The following PLCB4 variants were observed in gnomAD, a reference collection of about 807,000 sequenced individuals.
The protein encoded by PLCB4 is phospholipase C beta 4, also known as 1-phosphatidylinositol 4,5-bisphosphate phosphodiesterase beta-4.
Under a neutral mutation model 178.8 loss-of-function variants are expected in PLCB4, and 77 were observed. The observed-to-expected ratio is 0.43, with a 90% CI of 0.36 to 0.52. PLCB4 has a LOEUF of 0.52. PLCB4 is among the 20% of genes least tolerant of loss of function. The pLI, the probability that PLCB4 is intolerant of heterozygous loss-of-function variation, is 0.00. For synonymous variants in PLCB4, 496 were observed against 490.8 expected, an observed-to-expected ratio of 1.01 and a Z score of -0.14; for missense variants, 1,024 against 1,453.4, an observed-to-expected ratio of 0.70 and a Z score of 4.80.
At chr20:9,150,038 G>T (rs2092665382) in intron 2 of PLCB4, among the ~76,000 whole-genome samples, 2 of 152,176 alleles carry the variant, frequency 1.3e-5, no homozygotes, top group Admixed American at 6.5e-5. Context: ...TTCCAGAGAG[G>T]ACTGACAGTT....
At chr20:9,088,263 T>C (rs998002178) in intron 1 of PLCB4, among the ~76,000 whole-genome samples, 3 of 151,838 alleles carry the variant, frequency 2.0e-5, no homozygotes, top group African/African-American at 7.3e-5. Flanking sequence ...AAGAGTTTGC[T>C]GCAGTGCAGT....
At chr20:9,338,165 G>C (rs2032723704) in intron 6 of PLCB4, 98 bp downstream of exon 6, 1 of 782,530 alleles carries the variant, frequency 1.3e-6, no homozygotes, top group African/African-American at 1.7e-5. Flanking sequence ...TTGTATCCAG[G>C]CTACTTAAAA....
chr20:9,090,578 C>G lies in PLCB4; in HGVS notation c.-134-5709C>G, dbSNP rs1009588326. The stretch of plus-strand genomic sequence containing the variant: ...GGTAGAAGTGAGGACTTGCAGAATA[C>G]TCTGTGTTACTAAAAAATTGCTGGA... On this transcript the variant is annotated intron_variant, in intron 1 of 39. Transcript: ENST00000378473. Among the ~76,000 whole-genome samples, 3 of 147,776 alleles carry G rather than the reference C, an allele frequency of 2.0e-5. No individual in the cohort carries two copies. The South Asian group carries it at 6.7e-4, about 33-fold the overall frequency.
At chr20:9,403,971 C>T (rs1214521857) in intron 20 of PLCB4, among the ~76,000 whole-genome samples, 1 of 152,176 alleles carries the variant, frequency 6.6e-6, no homozygotes, top group African/African-American at 2.4e-5. Context: ...GACACTGGAT[C>T]ACACAGATAT....
At chr20:9,266,774 T>G (rs2094353600) in intron 3 of PLCB4, among the ~76,000 whole-genome samples, 1 of 152,196 alleles carries the variant, frequency 6.6e-6, no homozygotes, top group Admixed American at 6.5e-5. Flanking sequence ...GTGGGTTTGA[T>G]TTTATCTTGA....
chr20:9,408,059 G>GT lies in PLCB4; in HGVS notation c.1789+2dup. On this transcript the variant is annotated splice_donor_variant, in intron 22 of 39. Transcript: ENST00000378473. LOFTEE classifies it high-confidence loss of function. ...TTTCAAGGTTTCCATGTGGCAGAAG[G>GT]TAACACCAAAGGTTAAATGCAGTCG... 1 of 1,611,540 alleles carries GT rather than the reference G, an allele frequency of 6.2e-7. No homozygotes were observed. Among genetic ancestry groups the GT allele is most frequent in the Non-Finnish European group, 8.5e-7 (1 of 1,178,972 alleles).
intron 4 of PLCB4, among the ~76,000 whole-genome samples, chr20:9,334,558 C>T (rs2032175797): frequency 6.6e-6 from 1 of 152,070 alleles, no homozygotes; most frequent in South Asian, 2.1e-4. Context: ...ATTTTCACCA[C>T]CAAGTTTGGT....
intron 7 of PLCB4, among the ~76,000 whole-genome samples, chr20:9,343,734 A>C (rs68175609): frequency 0.07 from 10,690 of 152,094 alleles, 418 homozygotes; most frequent in African/African-American, 0.094. Flanking sequence ...AAAGCTTTCA[A>C]CTCTTCTCAC....
chr20:9,341,686 T>C (rs1188061737), intron 7 of PLCB4, among the ~76,000 whole-genome samples: 1 of 151,476 alleles, frequency 6.6e-6, no homozygotes, highest in Non-Finnish European at 1.5e-5. Flanking sequence ...AAAATCCATG[T>C]ATAAGTGGGC....
intron 3 of PLCB4, among the ~76,000 whole-genome samples, chr20:9,284,135 C>A (rs1022937096): frequency 6.6e-6 from 1 of 151,894 alleles, no homozygotes; most frequent in Non-Finnish European, 1.5e-5. Flanking sequence ...ATGTGTGTTA[C>A]GTAGAAAAAT....
At chr20:9,152,079 T>C (rs933350510) in intron 2 of PLCB4, among the ~76,000 whole-genome samples, 18 of 152,126 alleles carry the variant, frequency 1.2e-4, no homozygotes, top group Admixed American at 1.1e-3. Flanking sequence ...TGGAAGAAAT[T>C]TCCAAGCAGC....
At chr20:9,449,918 A>G (rs1352529140) in intron 32 of PLCB4, among the ~76,000 whole-genome samples, 3 of 152,186 alleles carry the variant, frequency 2.0e-5, no homozygotes, top group South Asian at 4.1e-4. Flanking sequence ...GCCTATTGGT[A>G]ATCTCAGAGT....
intron 25 of PLCB4, 132 bp downstream of exon 25, chr20:9,411,220 G>A (rs2039834202): frequency 1.6e-6 from 1 of 628,514 alleles, no homozygotes; most frequent in African/African-American, 1.8e-5. Context: ...AGAAAGAAAT[G>A]AAATACCTAG....
chr20:9,426,160 A>T (rs527408614), intron 28 of PLCB4, among the ~76,000 whole-genome samples: 22 of 152,334 alleles, frequency 1.4e-4, no homozygotes, highest in Admixed American at 5.9e-4. Flanking sequence ...ACTCATCAAT[A>T]TACATCATTA....
chr20:9,259,868 T>C (rs1426668979), intron 3 of PLCB4, among the ~76,000 whole-genome samples: 1 of 152,140 alleles, frequency 6.6e-6, no homozygotes, highest in Admixed American at 6.5e-5. Context: ...GATAATATTT[T>C]GGATGTATTT....
intron 4 of PLCB4, among the ~76,000 whole-genome samples, chr20:9,308,745 ATATT>A: frequency 2.0e-5 from 3 of 152,170 alleles, no homozygotes; most frequent in Non-Finnish European, 4.4e-5. Flanking sequence ...TGTTGACTTG[ATATT>A]TCTGCAGGGT....
intron 2 of PLCB4, among the ~76,000 whole-genome samples, chr20:9,142,027 A>C (rs889963838): frequency 5.9e-5 from 9 of 152,160 alleles, no homozygotes; most frequent in Admixed American, 5.9e-4. Context: ...ACTGAGTGAG[A>C]TCCTTGGAGG....
At chr20:9,142,546 G>A (rs770768718) in intron 2 of PLCB4, among the ~76,000 whole-genome samples, 7 of 152,034 alleles carry the variant, frequency 4.6e-5, no homozygotes, top group Non-Finnish European at 8.8e-5. Context: ...ATTTTAAGCA[G>A]GGAAGTGAAA....
At chr20:9,085,805 C>A (rs182944243) in intron 1 of PLCB4, among the ~76,000 whole-genome samples, 15 of 152,226 alleles carry the variant, frequency 9.9e-5, no homozygotes, top group Admixed American at 4.6e-4. Flanking sequence ...TAAAAATAAT[C>A]CAGAAAATTG....
Sources: allele counts gnomAD v4.1 joint callset (sites outside exome capture counted in the v4.1 genomes callset), GRCh38; gene constraint gnomAD v4.1.1; transcripts MANE v1.5; gene names NCBI Gene and HGNC (gene_info 2026-07-23, HGNC 2026-07-21).